Variants in HHAT observed in about 807,000 individuals in gnomAD.
HHAT encodes the protein protein-cysteine N-palmitoyltransferase HHAT.
HHAT carries 47 observed loss-of-function variants against 70.8 expected under a neutral mutation model. The observed-to-expected ratio is 0.66, with a 90% confidence interval of 0.53 to 0.85. The LOEUF (loss-of-function observed/expected upper bound fraction) is 0.85, where lower values mean the gene tolerates loss of function less well. HHAT is among the 40% of genes least tolerant of loss of function. The pLI is 0.00. For missense variants in HHAT, 609 were observed against 604.8 expected, an observed-to-expected ratio of 1.01 and a Z score of -0.07; for synonymous variants, 228 against 247.6, an observed-to-expected ratio of 0.92 and a Z score of 0.74.
intron 8 of HHAT, among the ~76,000 whole-genome samples, chr1:210,512,526 G>A (rs1307138611): frequency 6.6e-6 from 1 of 151,886 alleles, no homozygotes; most frequent in Non-Finnish European, 1.5e-5. Context: ...TTAAATATTA[G>A]CCAGGCGTGG....
chr1:210,675,265 T>G lies in HHAT; in HGVS notation c.*886T>G, dbSNP rs897453391. On this transcript the variant is annotated 3_prime_UTR_variant, in exon 12 of 12. Coordinates refer to ENST00000261458, the MANE Select transcript of HHAT (RefSeq NM_018194.6). ...ATTCACGTTTAGTGGTTTATATTAT[T>G]AAGGTTTGATTCAAACAGAGCCTTT... 6.6e-6 allele frequency: 1 copy of G among 152,208 alleles called. No individual in the cohort carries two copies. Among genetic ancestry groups the G allele is most frequent in the Non-Finnish European group, 1.5e-5 (1 of 68,036 alleles). 9.4% of individuals were successfully genotyped at this position (152,208 alleles called of 1,614,324 possible). A position where few individuals can be genotyped will look rare whatever the true frequency, so the allele number is the denominator to read the frequency against.
At chr1:210,584,394 C>A (rs894694278) in intron 9 of HHAT, among the ~76,000 whole-genome samples, 1 of 152,076 alleles carries the variant, frequency 6.6e-6, no homozygotes, top group Non-Finnish European at 1.5e-5. Flanking sequence ...GGTTTGATTA[C>A]CCTATTTTAT....
At chr1:210,464,340 T>C (rs973360067) in intron 7 of HHAT, among the ~76,000 whole-genome samples, 165 bp from the exon 8 acceptor site, 3 of 152,166 alleles carry the variant, frequency 2.0e-5, no homozygotes, top group Non-Finnish European at 1.5e-5. Context: ...AAAAATTTCA[T>C]TGAATAAAAC....
At chr1:210,643,718 T>TA (rs57802602) in intron 11 of HHAT, among the ~76,000 whole-genome samples, 2 of 151,994 alleles carry the variant, frequency 1.3e-5, no homozygotes, top group African/African-American at 2.4e-5. Context: ...TTTTTTTTTT[T>TA]AACCACCAGA....
In HHAT at chr1:210,453,136, T is replaced by C. The variant is rs1242143218; in HGVS notation, c.857-11369T>C. On this transcript the variant is annotated intron_variant, in intron 7 of 11. Transcript: ENST00000261458. The stretch of plus-strand genomic sequence containing the variant: ...ACAGTGAGAGGAAAGGGATAAGACA[T>C]TTGACGTCTGATCCTTGTTTTGAAA... Among the ~76,000 whole-genome samples the C allele has an allele frequency of 3.3e-5, 5 of 152,324 alleles. No homozygotes were observed. The East Asian group carries it at 7.7e-4, about 24-fold the overall frequency.
intron 3 of HHAT, among the ~76,000 whole-genome samples, chr1:210,385,252 CTTTTT>C (rs55887436): frequency 0.059 from 8,166 of 138,926 alleles, 266 homozygotes; most frequent in South Asian, 0.088. Context: ...ATATGTTTTT[CTTTTT>C]TTTTTTTTTT....
intron 11 of HHAT, among the ~76,000 whole-genome samples, chr1:210,636,898 G>A (rs1164129721): frequency 1.3e-4 from 20 of 152,164 alleles, no homozygotes; most frequent in Admixed American, 1.3e-3. Context: ...ATTTCTGAGG[G>A]CTGTTACAGA....
chr1:210,629,693 T>A (rs1014971151), intron 11 of HHAT, among the ~76,000 whole-genome samples: 1 of 152,190 alleles, frequency 6.6e-6, no homozygotes, highest in Non-Finnish European at 1.5e-5. Context: ...AGAGACGGGT[T>A]TCTTTTGGCT....
At position 210,587,935 on chromosome 1, in the gene HHAT, C is replaced by T. The variant is rs775624263; in HGVS notation, c.1081C>T (p.Leu361=). The T allele has an allele frequency of 1.1e-5, 17 of 1,614,140 alleles. No homozygotes were observed. The highest frequency in any genetic ancestry group is 1.4e-5 in the Non-Finnish European group (17 of 1,180,008). ...TCCAGTGGGCGGGTCCCAGCATGGCCTGCTGGGGACACTGTTTTCCACGGC... is the reference window on the plus strand; with the variant it reads ...TCCAGTGGGCGGGTCCCAGCATGGCTTGCTGGGGACACTGTTTTCCACGGC... The part of the protein sequence containing the change: ...YIPVGGSQHG[L]LGTLFSTAMT... Residue 361 remains leucine, a synonymous_variant, in exon 10 of 12, where the codon CTG becomes TTG. Coordinates refer to ENST00000261458, the MANE Select transcript of HHAT (RefSeq NM_018194.6).
intron 9 of HHAT, among the ~76,000 whole-genome samples, chr1:210,581,938 ACACAT>A (rs1659363282): frequency 1.3e-5 from 2 of 152,190 alleles, no homozygotes; most frequent in Admixed American, 6.5e-5. Context: ...ATACACATAC[ACACAT>A]CACATATCTA....
intron 11 of HHAT, among the ~76,000 whole-genome samples, chr1:210,666,330 T>C (rs1678885680): frequency 6.6e-6 from 1 of 152,188 alleles, no homozygotes; most frequent in African/African-American, 2.4e-5. Context: ...AATGCATCTG[T>C]GTGGTTAAGA....
intron 8 of HHAT, among the ~76,000 whole-genome samples, chr1:210,468,348 A>G (rs1481555808): frequency 6.6e-6 from 1 of 152,212 alleles, no homozygotes; most frequent in Non-Finnish European, 1.5e-5. Flanking sequence ...AAGCAAAGCG[A>G]TAGAATTTCC....
intron 7 of HHAT, among the ~76,000 whole-genome samples, chr1:210,460,164 C>T (rs1261280558): frequency 6.6e-6 from 1 of 152,146 alleles, no homozygotes; most frequent in Admixed American, 6.5e-5. Flanking sequence ...TGGCAGACCA[C>T]CTTTGGAATT....
chr1:210,586,949 G>A (rs1660583829), intron 9 of HHAT, among the ~76,000 whole-genome samples: 1 of 152,158 alleles, frequency 6.6e-6, no homozygotes, highest in African/African-American at 2.4e-5. Context: ...TGGTACTTTG[G>A]CTGCCCTGTG....
chr1:210,623,434 T>C, intron 10 of HHAT, 92 bp from the exon 11 acceptor site: 1 of 1,459,760 alleles, frequency 6.9e-7, no homozygotes, highest in Non-Finnish European at 9.5e-7. Flanking sequence ...TGGGGAGGCG[T>C]CCTGGGCTGG....
intron 4 of HHAT, among the ~76,000 whole-genome samples, chr1:210,389,660 G>C (rs2091321865): frequency 6.6e-6 from 1 of 152,230 alleles, no homozygotes; most frequent in South Asian, 2.1e-4. Flanking sequence ...TGGCATGATT[G>C]TAAGTTTCCT....
chr1:210,544,066 C>T (rs948270365), intron 9 of HHAT, among the ~76,000 whole-genome samples: 1 of 152,098 alleles, frequency 6.6e-6, no homozygotes, highest in Non-Finnish European at 1.5e-5. Context: ...GGTCTTTGGC[C>T]CTCTCAAACA....
At chr1:210,558,756 T>G (rs1004873126) in intron 9 of HHAT, among the ~76,000 whole-genome samples, 1 of 152,212 alleles carries the variant, frequency 6.6e-6, no homozygotes, top group African/African-American at 2.4e-5. Flanking sequence ...AAAAGGCTTT[T>G]GAGCCATTCA....
At chr1:210,546,161 A>G (rs768023238) in intron 9 of HHAT, among the ~76,000 whole-genome samples, 4 of 152,184 alleles carry the variant, frequency 2.6e-5, no homozygotes, top group Non-Finnish European at 4.4e-5. Flanking sequence ...ACATTCTTTC[A>G]GTGTCTACTA....
Sources: gnomAD v4.1 joint callset for allele counts (sites outside exome capture counted in the v4.1 genomes callset) on GRCh38, gnomAD v4.1.1 for gene constraint, MANE v1.5 for transcripts, NCBI Gene and HGNC (gene_info 2026-07-23, HGNC 2026-07-21) for gene names.